The following ZNF385D variants were observed in gnomAD, a reference collection of about 807,000 sequenced individuals.
The protein encoded by ZNF385D is zinc finger protein 385D.
A neutral mutation model predicts 35.8 loss-of-function variants in ZNF385D; 15 were observed. The observed-to-expected ratio is 0.42, with a 90% CI of 0.28 to 0.64. The LOEUF is 0.64. Ranked by LOEUF, ZNF385D falls within the 30% of genes least tolerant of loss-of-function variation. ZNF385D has a pLI of 0.23. For missense variants in ZNF385D, 474 were observed against 494.6 expected (o/e 0.96, Z 0.39); for synonymous variants, 212 against 186.8 (o/e 1.13, Z -1.10).
In ZNF385D at chr3:21,884,806, C is replaced by T. The variant is rs999881161; in HGVS notation, c.326-219778G>A. Among the ~76,000 whole-genome samples, 28 of 151,956 alleles carry T rather than the reference C, an allele frequency of 1.8e-4. 1 individual carries two copies. The highest frequency in any genetic ancestry group is 1.2e-3 in the South Asian group (6 of 4,834). On this transcript the variant is annotated intron_variant, in intron 3 of 5. Coordinates refer to the ZNF385D transcript ENST00000494108. ...AATTGACCATATGGCAATATTTACA[C>T]GGTGGAAATTGGCAAACATTTTAAA...
At chr3:21,673,905 T>C (rs965879871) in intron 1 of ZNF385D, among the ~76,000 whole-genome samples, 2 of 152,144 alleles carry the variant, frequency 1.3e-5, no homozygotes, top group East Asian at 1.9e-4. Context: ...GTGTTTAAAC[T>C]AAGCTAATGT....
At chr3:22,245,138 G>T (rs1699705746) in intron 2 of ZNF385D, among the ~76,000 whole-genome samples, 1 of 152,098 alleles carries the variant, frequency 6.6e-6, no homozygotes, top group African/African-American at 2.4e-5. Flanking sequence ...TCCAAAGTTT[G>T]GGGATAAAGT....
chr3:22,134,342 A>G (rs138387880), intron 3 of ZNF385D: 27 of 152,160 alleles, frequency 1.8e-4, no homozygotes, highest in Admixed American at 9.2e-4. Context: ...TGCTAAATGG[A>G]TATGTCCCTA....
At chr3:21,542,194 G>A (rs1313827432) in intron 3 of ZNF385D, among the ~76,000 whole-genome samples, 3 of 152,070 alleles carry the variant, frequency 2.0e-5, no homozygotes, top group Non-Finnish European at 4.4e-5. Flanking sequence ...TTCATGTTTA[G>A]GTTTCAGAGA....
chr3:22,073,536 G>A (rs549956341), intron 3 of ZNF385D, among the ~76,000 whole-genome samples: 1 of 152,008 alleles, frequency 6.6e-6, no homozygotes, highest in South Asian at 2.1e-4. Flanking sequence ...AACCTTTCTA[G>A]GGTAAAAATT....
intron 3 of ZNF385D, among the ~76,000 whole-genome samples, chr3:22,167,016 T>G (rs1043289047): frequency 6.6e-6 from 1 of 152,210 alleles, no homozygotes; most frequent in Non-Finnish European, 1.5e-5. Flanking sequence ...CATTTTAAAA[T>G]CATGACTTAC....
At chr3:21,492,776 AAAATAAATAAAT>A (rs60627008) in intron 4 of ZNF385D, among the ~76,000 whole-genome samples, 5 of 141,028 alleles carry the variant, frequency 3.5e-5, no homozygotes, top group Admixed American at 1.4e-4. Context: ...CTCTGTTTCA[AAAATAAATAAAT>A]AAATAAATAA....
At chr3:21,768,322 G>C (rs186840939) in intron 3 of ZNF385D, among the ~76,000 whole-genome samples, 1 of 152,008 alleles carries the variant, frequency 6.6e-6, no homozygotes, top group African/African-American at 2.4e-5. Flanking sequence ...TATATTTAAA[G>C]TAATTACATT....
intron 3 of ZNF385D, among the ~76,000 whole-genome samples, chr3:22,025,986 G>T (rs1349423880): frequency 1.3e-5 from 2 of 152,144 alleles, no homozygotes; most frequent in Non-Finnish European, 2.9e-5. Flanking sequence ...CAAAGGCAAG[G>T]TGGGCATAGC....
chr3:22,106,110 T>C (rs1702198229), intron 3 of ZNF385D, among the ~76,000 whole-genome samples: 1 of 152,122 alleles, frequency 6.6e-6, no homozygotes, highest in Non-Finnish European at 1.5e-5. Context: ...AATTCTGATT[T>C]GATAGGACTA....
chr3:21,702,813 A>G (rs1379290759), intron 1 of ZNF385D, among the ~76,000 whole-genome samples: 1 of 152,200 alleles, frequency 6.6e-6, no homozygotes, highest in East Asian at 1.9e-4. Context: ...GCTAAAACAT[A>G]ACGAGAGTCA....
chr3:21,677,879 G>C (rs13092691), intron 1 of ZNF385D, among the ~76,000 whole-genome samples: 7 of 151,822 alleles, frequency 4.6e-5, no homozygotes, highest in African/African-American at 1.7e-4. Flanking sequence ...CAACCTATGC[G>C]TACATAGGTT....
intron 2 of ZNF385D, among the ~76,000 whole-genome samples, chr3:22,245,039 C>T (rs943624888): frequency 4.0e-5 from 6 of 151,556 alleles, no homozygotes; most frequent in African/African-American, 1.4e-4. Context: ...GAAAAATGAC[C>T]TCCAAGTGAA....
intron 3 of ZNF385D, among the ~76,000 whole-genome samples, chr3:21,832,044 A>G (rs535736192): frequency 6.6e-6 from 1 of 151,460 alleles, no homozygotes; most frequent in South Asian, 2.1e-4. Flanking sequence ...AACATTAAAA[A>G]TTGACTCAAT....
intron 3 of ZNF385D, among the ~76,000 whole-genome samples, chr3:22,101,708 CT>C (rs1361388092): frequency 1.3e-5 from 2 of 151,944 alleles, no homozygotes; most frequent in African/African-American, 4.8e-5. Context: ...AAAGGATTCT[CT>C]GGCAAAAATA....
intron 3 of ZNF385D, among the ~76,000 whole-genome samples, chr3:22,128,343 G>A (rs1036712330): frequency 1.3e-5 from 2 of 151,960 alleles, no homozygotes; most frequent in Non-Finnish European, 2.9e-5. Flanking sequence ...TTGGGAGTCT[G>A]ATTATTAAAT....
chr3:21,632,529 A>C (rs1423685092), intron 2 of ZNF385D, among the ~76,000 whole-genome samples: 1 of 151,960 alleles, frequency 6.6e-6, no homozygotes, highest in Non-Finnish European at 1.5e-5. Context: ...AAAATGCATT[A>C]AGTAAGTTAA....
Position 21,418,313 on chromosome 3 carries a change from T to G in ZNF385D, c.*2901A>C, listed in dbSNP as rs1321489904. 2 of 152,122 alleles carry G rather than the reference T, an allele frequency of 1.3e-5. No individual in the cohort carries two copies. Among genetic ancestry groups the G allele is most frequent in the East Asian group, 3.9e-4 (2 of 5,190 alleles). 9.4% of individuals were successfully genotyped at this position (152,122 alleles called of 1,614,324 possible). The stretch of plus-strand genomic sequence containing the variant: ...ATCTTTATTCATGAAAAAAGTTCCC[T>G]AAGGGAAAAGATACAGTTTTATGGC... On this transcript the variant is annotated 3_prime_UTR_variant, in exon 8 of 8. Coordinates refer to ENST00000281523, the MANE Select transcript of ZNF385D (RefSeq NM_024697.3).
At chr3:22,193,012 C>T (rs972360098) in intron 2 of ZNF385D, among the ~76,000 whole-genome samples, 7 of 152,270 alleles carry the variant, frequency 4.6e-5, no homozygotes, top group African/African-American at 1.7e-4. Context: ...TCCACCATGA[C>T]TCCACGGTTC....
Sources: gnomAD v4.1 joint callset for allele counts (sites outside exome capture counted in the v4.1 genomes callset) on GRCh38, gnomAD v4.1.1 for gene constraint, MANE v1.5 for transcripts, NCBI Gene and HGNC (gene_info 2026-07-23, HGNC 2026-07-21) for gene names.